The following PARN variants were observed in gnomAD, a reference collection of about 807,000 sequenced individuals.
PARN encodes the protein poly(A)-specific ribonuclease.
Under a neutral mutation model 102.8 loss-of-function variants are expected in PARN, and 71 were observed. The observed-to-expected ratio is 0.69, with a 90% CI of 0.57 to 0.84. PARN has a LOEUF of 0.84. PARN is among the 40% of genes least tolerant of loss of function. The probability of loss-of-function intolerance (pLI) is 0.00; values close to 1 mark genes in which losing one functional copy is unlikely to be tolerated. For missense variants in PARN, 782 were observed against 760.9 expected, an observed-to-expected ratio of 1.03 and a Z score of -0.33; for synonymous variants, 261 against 252.9, an observed-to-expected ratio of 1.03 and a Z score of -0.30.
At chr16:14,567,770 G>A (rs777337018) in intron 18 of PARN, among the ~76,000 whole-genome samples, 2 of 152,186 alleles carry the variant, frequency 1.3e-5, no homozygotes, top group Non-Finnish European at 1.5e-5. Flanking sequence ...AGGAGGCTGT[G>A]TTCTCGACCC....
At chr16:14,619,962 C>G (rs1335230141) in intron 5 of PARN, among the ~76,000 whole-genome samples, 1 of 149,258 alleles carries the variant, frequency 6.7e-6, no homozygotes, top group Non-Finnish European at 1.5e-5. Context: ...CCCAGCTACT[C>G]AGCAGGCTGA....
chr16:14,628,856 CATCAGCA>C (rs1284644963), intron 2 of PARN, among the ~76,000 whole-genome samples: 1 of 152,082 alleles, frequency 6.6e-6, no homozygotes, highest in Non-Finnish European at 1.5e-5. Context: ...TTCATATTGA[CATCAGCA>C]ATTTAAAAAC....
intron 22 of PARN, among the ~76,000 whole-genome samples, chr16:14,455,674 C>CT (rs1217760224): frequency 1.3e-5 from 2 of 152,156 alleles, no homozygotes; most frequent in Non-Finnish European, 2.9e-5. Flanking sequence ...GTGCAAAACT[C>CT]AATAGATTTT....
At chr16:14,535,565 A>C (rs2151678438) in intron 21 of PARN, among the ~76,000 whole-genome samples, 1 of 152,334 alleles carries the variant, frequency 6.6e-6, no homozygotes, top group East Asian at 1.9e-4. Flanking sequence ...TGATTAGAAA[A>C]AACAATGCCA....
At chr16:14,443,803 C>T (rs1348607666) in intron 23 of PARN, among the ~76,000 whole-genome samples, 1 of 152,200 alleles carries the variant, frequency 6.6e-6, no homozygotes, top group African/African-American at 2.4e-5. Flanking sequence ...CATGCCCTCA[C>T]TGCCAGTGCT....
intron 22 of PARN, among the ~76,000 whole-genome samples, chr16:14,476,904 A>G (rs1963083403): frequency 6.6e-6 from 1 of 152,212 alleles, no homozygotes; most frequent in African/African-American, 2.4e-5. Flanking sequence ...TAAATAATAC[A>G]TAATTCAACC....
chr16:14,535,652 T>C (rs1966576007), intron 21 of PARN, among the ~76,000 whole-genome samples: 1 of 152,236 alleles, frequency 6.6e-6, no homozygotes, highest in Admixed American at 6.5e-5. Flanking sequence ...TTCCAAAGTT[T>C]GTTTCCTACA....
chr16:14,532,282 T>C (rs1489373549), intron 21 of PARN, among the ~76,000 whole-genome samples: 2 of 150,500 alleles, frequency 1.3e-5, no homozygotes, highest in East Asian at 3.9e-4. Context: ...GATAAACAAG[T>C]GAACGAAGTT....
intron 21 of PARN, among the ~76,000 whole-genome samples, chr16:14,529,409 A>C (rs1348543383): frequency 3.9e-5 from 6 of 152,198 alleles, no homozygotes; most frequent in African/African-American, 1.4e-4. Flanking sequence ...AGTTTCCATA[A>C]AATCCGAACA....
intron 18 of PARN, among the ~76,000 whole-genome samples, chr16:14,563,699 CTTTTT>C (rs748320042): frequency 1.5e-5 from 2 of 132,680 alleles, no homozygotes; most frequent in Non-Finnish European, 3.3e-5. Context: ...CCGCACCTGG[CTTTTT>C]TTTTTTTTTT....
intron 22 of PARN, among the ~76,000 whole-genome samples, chr16:14,463,943 C>T (rs1962165060): frequency 6.6e-6 from 1 of 151,686 alleles, no homozygotes; most frequent in Non-Finnish European, 1.5e-5. Context: ...AAGTGATCCT[C>T]CCACTTCAGC....
At chr16:14,476,962 C>G (rs562582610) in intron 22 of PARN, among the ~76,000 whole-genome samples, 8 of 152,276 alleles carry the variant, frequency 5.3e-5, no homozygotes, top group South Asian at 4.1e-4. Flanking sequence ...ACAAACAGGA[C>G]AAACAGGAAA....
chr16:14,596,677 T>C (rs1380879613), intron 12 of PARN, among the ~76,000 whole-genome samples: 1 of 151,436 alleles, frequency 6.6e-6, no homozygotes, highest in Non-Finnish European at 1.5e-5. Flanking sequence ...GCCCGGGAGG[T>C]AGAGGCTGCA....
At chr16:14,509,645 T>A (rs1252747227) in intron 21 of PARN, among the ~76,000 whole-genome samples, 5 of 152,144 alleles carry the variant, frequency 3.3e-5, no homozygotes, top group Non-Finnish European at 7.4e-5. Flanking sequence ...ACTCTAACAG[T>A]TGGTCAAATC....
At chr16:14,462,447 A>C (rs1962042778) in intron 22 of PARN, among the ~76,000 whole-genome samples, 2 of 152,156 alleles carry the variant, frequency 1.3e-5, no homozygotes, top group South Asian at 4.1e-4. Context: ...TGAAAGAAAA[A>C]AACTGTCAAG....
At chr16:14,455,602 G>T (rs1055843622) in intron 22 of PARN, among the ~76,000 whole-genome samples, 1 of 152,186 alleles carries the variant, frequency 6.6e-6, no homozygotes, top group African/African-American at 2.4e-5. Flanking sequence ...ACCAACTTAA[G>T]GGCTGCTGCC....
At chr16:14,534,784 A>G (rs1212680461) in intron 21 of PARN, among the ~76,000 whole-genome samples, 1 of 151,954 alleles carries the variant, frequency 6.6e-6, no homozygotes, top group African/African-American at 2.4e-5. Context: ...GATGAAAGGC[A>G]TTCCTACTAT....
intron 3 of PARN, among the ~76,000 whole-genome samples, chr16:14,627,778 A>G (rs1270848576): frequency 6.6e-6 from 1 of 152,218 alleles, no homozygotes; most frequent in Non-Finnish European, 1.5e-5. Context: ...ATTTGACGCC[A>G]GAAGTTCGAG....
intron 23 of PARN, among the ~76,000 whole-genome samples, chr16:14,440,333 A>G (rs1352266164): frequency 2.0e-5 from 3 of 152,206 alleles, no homozygotes; most frequent in Non-Finnish European, 4.4e-5. Context: ...CAAACAAGCA[A>G]AAGGGGTGTG....
Sources: allele counts gnomAD v4.1 joint callset (sites outside exome capture counted in the v4.1 genomes callset), GRCh38; gene constraint gnomAD v4.1.1; transcripts MANE v1.5; gene names NCBI Gene and HGNC (gene_info 2026-07-23, HGNC 2026-07-21).